MACF1: variants seen among roughly 807,000 people sequenced by gnomAD.
The protein encoded by MACF1 is microtubule actin crosslinking factor 1.
Under a neutral mutation model 854.8 loss-of-function variants are expected in MACF1, and 193 were observed. That is an observed-to-expected ratio of 0.23 (90% CI 0.20 to 0.25). The LOEUF (loss-of-function observed/expected upper bound fraction) is 0.25, where lower values mean the gene tolerates loss of function less well. MACF1 is among the 10% of genes least tolerant of loss of function. The pLI, the probability that MACF1 is intolerant of heterozygous loss-of-function variation, is 1.00. For missense variants in MACF1, 7,722 were observed against 8,929.1 expected (o/e 0.86, Z 5.45); for synonymous variants, 3,185 against 3,226.7 (o/e 0.99, Z 0.44).
In MACF1 at chr1:39,084,716, G is replaced by A. The variant is rs2148114958; in HGVS notation, c.220+278G>A. On this transcript the variant is annotated intron_variant, in intron 2 of 93. Transcript: ENST00000361689. The surrounding 1 kb of genome is among the most constrained non-coding windows in gnomAD (Gnocchi z 5.2). ...CCCATTCAGTTATATTTTCTATGCA[G>A]TTGCCTTCATGGCTTAGGTACCATT... Among the ~76,000 whole-genome samples the A allele has an allele frequency of 3.3e-5, 5 of 152,238 alleles. No individual in the cohort carries two copies. The Middle Eastern group carries it at 0.017, about 518-fold the overall frequency.
intron 69 of MACF1, among the ~76,000 whole-genome samples, chr1:39,435,308 G>A (rs1643950454): frequency 6.6e-6 from 1 of 152,170 alleles, no homozygotes; most frequent in South Asian, 2.1e-4. Context: ...AGAGAAGAGA[G>A]GATGTTTCCA....
intron 22 of MACF1, among the ~76,000 whole-genome samples, chr1:39,301,014 CA>C (rs879562980): frequency 3.4e-4 from 52 of 151,432 alleles, no homozygotes; most frequent in Non-Finnish European, 5.4e-4. Flanking sequence ...AACTCTGTCT[CA>C]AAAAAAATAA....
Position 39,105,589 on chromosome 1 carries a change from C to G in MACF1, c.220+21151C>G. 1 of 1,207,808 alleles carries G rather than the reference C, an allele frequency of 8.3e-7. No individual in the cohort carries two copies. Among genetic ancestry groups the G allele is most frequent in the Non-Finnish European group, 1.1e-6 (1 of 947,186 alleles). The allele number at this position is 1,207,808 out of a possible 1,614,324, so 74.8% of individuals were successfully genotyped here. A position where few individuals can be genotyped will look rare whatever the true frequency, so the allele number is the denominator to read the frequency against. On this transcript the variant is annotated intron_variant, in intron 2 of 93. Transcript: ENST00000361689. This position sits in a 1 kb window ranked among gnomAD's most constrained non-coding sequence, Gnocchi z 5.9. ...AGCGCGCGGGCCTGGAACCGGCAGC[C>G]CCCGGGGCTCGGCGAGAAGGCGGTG... is the stretch of plus-strand genomic sequence containing the variant.
intron 2 of MACF1, among the ~76,000 whole-genome samples, chr1:39,233,883 C>T (rs1330576745): frequency 2.9e-5 from 4 of 136,114 alleles, no homozygotes; most frequent in African/African-American, 1.1e-4. Flanking sequence ...GGAAGGTCAG[C>T]AGATACACAA....
intron 1 of MACF1, among the ~76,000 whole-genome samples, chr1:39,229,985 C>T (rs950161974): frequency 5.3e-5 from 8 of 152,126 alleles, no homozygotes; most frequent in African/African-American, 1.9e-4. Flanking sequence ...TCAAGTGATC[C>T]ACCGGCCTCA....
intron 2 of MACF1, among the ~76,000 whole-genome samples, chr1:39,188,099 G>A (rs112765601): frequency 0.027 from 4,041 of 151,152 alleles, 90 homozygotes; most frequent in Middle Eastern, 0.082. Flanking sequence ...CATGTTAGAA[G>A]TTCTCTTAAA....
intron 52 of MACF1, chr1:39,373,160 G>C: frequency 6.4e-6 from 1 of 155,588 alleles, no homozygotes; most frequent in Non-Finnish European, 1.4e-5. Context: ...CAAAAAATTA[G>C]CCAGGCATGG....
At chr1:39,471,411 A>T (rs752929798) in intron 97 of MACF1, among the ~76,000 whole-genome samples, 7 of 152,210 alleles carry the variant, frequency 4.6e-5, no homozygotes, top group Non-Finnish European at 7.3e-5. Flanking sequence ...GAATGTAGAG[A>T]ATGCTATACT....
intron 61 of MACF1, among the ~76,000 whole-genome samples, chr1:39,427,118 T>C (rs1643753843): frequency 6.6e-6 from 1 of 152,212 alleles, no homozygotes; most frequent in Non-Finnish European, 1.5e-5. Flanking sequence ...AGGAGAACAT[T>C]AGAAGATTTG....
intron 61 of MACF1, among the ~76,000 whole-genome samples, chr1:39,426,437 C>T (rs890556430): frequency 6.6e-6 from 1 of 152,270 alleles, no homozygotes. Context: ...TCTTCAAATG[C>T]CATATCTTAG....
chr1:39,112,483 G>A (rs1427136762), intron 2 of MACF1, among the ~76,000 whole-genome samples: 2 of 152,120 alleles, frequency 1.3e-5, no homozygotes, highest in Non-Finnish European at 2.9e-5. Context: ...AGGAGTTCGA[G>A]ACCAGTCAAC....
At chr1:39,184,266 G>A (rs186225853) in intron 2 of MACF1, among the ~76,000 whole-genome samples, 19 of 152,236 alleles carry the variant, frequency 1.2e-4, no homozygotes, top group African/African-American at 3.6e-4. Context: ...CATGCAGGGC[G>A]GCGTGTGTGG....
intron 58 of MACF1, among the ~76,000 whole-genome samples, chr1:39,394,841 A>G (rs950563580): frequency 6.6e-6 from 1 of 152,150 alleles, no homozygotes; most frequent in Non-Finnish European, 1.5e-5. Flanking sequence ...CACACTTGGT[A>G]TGACCTGTCT....
chr1:39,287,780 A>G (rs1182536281), intron 15 of MACF1, among the ~76,000 whole-genome samples: 3 of 152,162 alleles, frequency 2.0e-5, no homozygotes, highest in Admixed American at 1.3e-4. Context: ...TAGCTGGGAC[A>G]ATAGGTATAT....
chr1:39,346,867 A>C, intron 40 of MACF1, 110 bp from the exon 41 acceptor site: 3 of 742,728 alleles, frequency 4.0e-6, no homozygotes, highest in Non-Finnish European at 6.8e-6. Context: ...AGTGCCAGTT[A>C]TGAAAATACA....
chr1:39,140,029 C>T (rs1012436059), intron 2 of MACF1, among the ~76,000 whole-genome samples: 1 of 151,670 alleles, frequency 6.6e-6, no homozygotes. Flanking sequence ...ACATGGCTCA[C>T]AGCAGCCTCA....
intron 18 of MACF1, 138 bp downstream of exon 18, chr1:39,293,757 T>G (rs190145534): frequency 1.5e-6 from 1 of 681,876 alleles, no homozygotes; most frequent in Non-Finnish European, 2.4e-6. Context: ...AATGCATCCA[T>G]GCATGTGAGA....
chr1:39,235,480 A>C (rs1201904777), intron 2 of MACF1, among the ~76,000 whole-genome samples: 1 of 152,208 alleles, frequency 6.6e-6, no homozygotes, highest in Non-Finnish European at 1.5e-5. Flanking sequence ...ATTTTCACTC[A>C]TGTAGCCAGT....
At chr1:39,361,711 G>A (rs1180299794) in intron 49 of MACF1, 34 bp downstream of exon 49, 1 of 1,601,698 alleles carries the variant, frequency 6.2e-7, no homozygotes, top group Non-Finnish European at 8.5e-7. Context: ...GCAGAATAAA[G>A]GGAAGAGAAG....
Sources: gnomAD v4.1 joint callset for allele counts (sites outside exome capture counted in the v4.1 genomes callset) on GRCh38, gnomAD v4.1.1 for gene constraint, Gnocchi (gnomAD v3.1) non-coding constraint, MANE v1.5 for transcripts, NCBI Gene and HGNC (gene_info 2026-07-23, HGNC 2026-07-21) for gene names.